The following LDLRAD3 variants were observed in gnomAD, a reference collection of about 807,000 sequenced individuals.
LDLRAD3 encodes low-density lipoprotein receptor class A domain-containing protein 3.
In LDLRAD3, 20 loss-of-function variants were observed where a neutral mutation model predicts 29.4. That is an observed-to-expected ratio of 0.68 (90% CI 0.48 to 0.99). LDLRAD3 has a LOEUF of 0.99. Among genes scored for constraint, LDLRAD3 ranks in the 50% least tolerant of loss-of-function variants. The pLI, the probability that LDLRAD3 is intolerant of heterozygous loss-of-function variation, is 0.00. For missense variants in LDLRAD3, 420 were observed against 454.3 expected, an observed-to-expected ratio of 0.92 and a Z score of 0.69; for synonymous variants, 157 against 192.7, an observed-to-expected ratio of 0.81 and a Z score of 1.53.
chr11:35,964,622 A>C (rs74422366), intron 1 of LDLRAD3, among the ~76,000 whole-genome samples: 1,675 of 152,270 alleles, frequency 0.011, 53 homozygotes, highest in East Asian at 0.1. Flanking sequence ...GCTAGAGGGA[A>C]GAAGGCCCAG....
At chr11:36,116,952 G>A (rs1025453949) in intron 4 of LDLRAD3, among the ~76,000 whole-genome samples, 53 of 150,728 alleles carry the variant, frequency 3.5e-4, no homozygotes, top group African/African-American at 1.2e-3. Flanking sequence ...ACCAATTCTC[G>A]TGCCTCAGCC....
Position 36,044,837 on chromosome 11 carries a change from G to A in LDLRAD3, c.193+8588G>A, listed in dbSNP as rs748540898. Among the ~76,000 whole-genome samples, 12 of 152,240 alleles carry A rather than the reference G, an allele frequency of 7.9e-5. No homozygotes were observed. The South Asian group carries it at 1.9e-3, about 24-fold the overall frequency. On this transcript the variant is annotated intron_variant, in intron 2 of 5. Coordinates refer to ENST00000315571, the MANE Select transcript of LDLRAD3 (RefSeq NM_174902.4). The stretch of plus-strand genomic sequence containing the variant: ...CTATGTCTTAATGGACCTGCAGTGG[G>A]CGCCCACCCCCAGAGTGGCTGCCAT...
intron 2 of LDLRAD3, among the ~76,000 whole-genome samples, chr11:36,075,176 G>A (rs1212590020): frequency 6.6e-6 from 1 of 152,114 alleles, no homozygotes; most frequent in Admixed American, 6.5e-5. Flanking sequence ...GAGCTGCCCT[G>A]GTGGATGACA....
rs553221234 is a variant in LDLRAD3, at chr11:36,213,595, G to A, written c.455-13490G>A. ...GGCTTGAGAAAGTGTGGCTGCCACT[G>A]TGGCAGAGGCCATGGTAGGAGGCAT... On this transcript the variant is annotated intron_variant, in intron 4 of 5. Transcript: ENST00000315571. This position sits in a 1 kb window ranked among gnomAD's most constrained non-coding sequence, Gnocchi z 4.1. Among the ~76,000 whole-genome samples, 10 of 152,292 alleles carry A rather than the reference G, an allele frequency of 6.6e-5. No individual in the cohort carries two copies. The South Asian group carries it at 1.9e-3, about 28-fold the overall frequency.
chr11:35,956,681 G>A (rs1173585781), intron 1 of LDLRAD3, among the ~76,000 whole-genome samples: 1 of 152,178 alleles, frequency 6.6e-6, no homozygotes, highest in Admixed American at 6.5e-5. Flanking sequence ...TCCTTACCAT[G>A]TAGAAATATT....
intron 4 of LDLRAD3, among the ~76,000 whole-genome samples, chr11:36,212,498 A>C (rs1855295542): frequency 6.6e-6 from 1 of 151,470 alleles, no homozygotes; most frequent in Non-Finnish European, 1.5e-5. Context: ...CTGAATTCCT[A>C]CTTAAAAAAT....
At chr11:36,134,869 C>T (rs1853981468) in intron 4 of LDLRAD3, among the ~76,000 whole-genome samples, 1 of 152,130 alleles carries the variant, frequency 6.6e-6, no homozygotes, top group African/African-American at 2.4e-5. Flanking sequence ...CTCTGGGGAC[C>T]AGGAGGTATC....
chr11:36,115,160 G>C (rs984493513), intron 4 of LDLRAD3, among the ~76,000 whole-genome samples: 3 of 152,212 alleles, frequency 2.0e-5, no homozygotes, highest in Non-Finnish European at 4.4e-5. Flanking sequence ...GGAGAGAGAT[G>C]CTTGGGCCAC....
rs968437928 is a variant in LDLRAD3 at position 36,120,965 on chromosome 11, C to T, written c.454+22504C>T. 3.9e-5 allele frequency among the ~76,000 whole-genome samples: 6 copies of T among 152,122 alleles called. 1 individual carries two copies. The highest frequency in any genetic ancestry group is 3.9e-4 in the Admixed American group (6 of 15,266). ...GGGCCCTCACCAGACCCTAATTCTA[C>T]CAGGACTTTGATCTTAGACTTCCCA... is the stretch of plus-strand genomic sequence containing the variant. On this transcript the variant is annotated intron_variant, in intron 4 of 5. Coordinates refer to ENST00000315571, the MANE Select transcript of LDLRAD3 (RefSeq NM_174902.4).
chr11:36,212,651 G>A (rs1329353608), intron 4 of LDLRAD3, among the ~76,000 whole-genome samples: 1 of 152,066 alleles, frequency 6.6e-6, no homozygotes, highest in African/African-American at 2.4e-5. Context: ...TTAGCAAAGA[G>A]GCCATTAGCC....
chr11:36,222,610 G>C (rs1855445102), intron 4 of LDLRAD3, among the ~76,000 whole-genome samples: 1 of 152,118 alleles, frequency 6.6e-6, no homozygotes, highest in African/African-American at 2.4e-5. Flanking sequence ...TTTGCATCTG[G>C]AGGAGGGGAT....
intron 4 of LDLRAD3, among the ~76,000 whole-genome samples, chr11:36,192,301 A>G (rs16928496): frequency 0.013 from 2,010 of 152,286 alleles, 50 homozygotes; most frequent in African/African-American, 0.046. Context: ...GCAACAGATG[A>G]TCTGGGCATG....
At chr11:36,045,231 A>G (rs1273685545) in intron 2 of LDLRAD3, among the ~76,000 whole-genome samples, 1 of 152,212 alleles carries the variant, frequency 6.6e-6, no homozygotes, top group Non-Finnish European at 1.5e-5. Flanking sequence ...TACACTTAAC[A>G]TGCGTTTGAC....
intron 4 of LDLRAD3, among the ~76,000 whole-genome samples, chr11:36,194,309 C>G (rs1184704920): frequency 1.3e-5 from 2 of 152,184 alleles, no homozygotes. Context: ...AGGCGTCTCT[C>G]ATCTTAGTTA....
chr11:36,001,456 T>C (rs1171902216), intron 1 of LDLRAD3, among the ~76,000 whole-genome samples: 2 of 152,216 alleles, frequency 1.3e-5, no homozygotes, highest in African/African-American at 2.4e-5. Flanking sequence ...GAATTCTTTA[T>C]TGAGCTCCAT....
At chr11:35,986,052 G>A (rs766336751) in intron 1 of LDLRAD3, among the ~76,000 whole-genome samples, 4 of 144,598 alleles carry the variant, frequency 2.8e-5, no homozygotes, top group Non-Finnish European at 4.4e-5. Context: ...ATGACTTTTT[G>A]TGAGAATGCT....
At position 36,231,047 on chromosome 11, in the gene LDLRAD3, A is replaced by C. The variant is rs923267580; in HGVS notation, c.*1650A>C. On this transcript the variant is annotated 3_prime_UTR_variant, in exon 6 of 6. Transcript: ENST00000315571. The stretch of plus-strand genomic sequence containing the variant: ...TAGGTGTTGTTTGGCAAGAAACCAC[A>C]CTGACTGATGAGGGGTAAAATGGAA... 21 of 152,602 alleles carry C rather than the reference A, an allele frequency of 1.4e-4. No homozygotes were observed. Among genetic ancestry groups the C allele is most frequent in the African/African-American group, 4.8e-4 (20 of 41,426 alleles). The allele number at this position is 152,602 out of a possible 1,614,324, so 9.5% of individuals were successfully genotyped here.
chr11:36,091,796 A>T (rs1590259675), intron 3 of LDLRAD3, among the ~76,000 whole-genome samples: 1 of 152,246 alleles, frequency 6.6e-6, no homozygotes, highest in East Asian at 1.9e-4. Flanking sequence ...GCTAAAAGAT[A>T]GTGAAACATA....
rs548204983 is a variant in LDLRAD3 at position 36,129,209 on chromosome 11, G to T, written c.454+30748G>T. Among the ~76,000 whole-genome samples, 3 of 152,290 alleles carry T rather than the reference G, an allele frequency of 2.0e-5. No individual in the cohort carries two copies. In the South Asian group the frequency reaches 6.2e-4, roughly 32 times the overall value. On this transcript the variant is annotated intron_variant, in intron 4 of 5. Coordinates refer to ENST00000315571, the MANE Select transcript of LDLRAD3 (RefSeq NM_174902.4). ...GAAGAGCATATGGCATTTGTTCTCT[G>T]CCTGCTTCTGAGAAGAACACTATTA...
Sources: allele counts gnomAD v4.1 joint callset (sites outside exome capture counted in the v4.1 genomes callset), GRCh38; gene constraint gnomAD v4.1.1; non-coding constraint Gnocchi (gnomAD v3.1); transcripts MANE v1.5; gene names NCBI Gene and HGNC (gene_info 2026-07-23, HGNC 2026-07-21).